TSGA10: variants seen among roughly 807,000 people sequenced by gnomAD.
TSGA10 encodes the protein testis specific 10, also known as testis-specific gene 10 protein.
A neutral mutation model predicts 96.6 loss-of-function variants in TSGA10; 43 were observed. The ratio of observed to expected loss-of-function variants is 0.44; its 90% confidence interval spans 0.35 to 0.57. The LOEUF (loss-of-function observed/expected upper bound fraction) is 0.57, where lower values mean the gene tolerates loss of function less well. Ranked by LOEUF, TSGA10 falls within the 20% of genes least tolerant of loss-of-function variation. TSGA10 has a pLI of 0.01. For synonymous variants in TSGA10, 229 were observed against 269.9 expected, an observed-to-expected ratio of 0.85 and a Z score of 1.48; for missense variants, 703 against 834.4, an observed-to-expected ratio of 0.84 and a Z score of 1.94.
intron 1 of TSGA10, among the ~76,000 whole-genome samples, chr2:99,128,526 T>C (rs890135024): frequency 2.6e-5 from 4 of 152,198 alleles, no homozygotes; most frequent in African/African-American, 9.6e-5. Flanking sequence ...GAATGCAGAT[T>C]CTTATTTACA....
chr2:99,076,889 C>T (rs1297416595), intron 12 of TSGA10, among the ~76,000 whole-genome samples: 1 of 152,010 alleles, frequency 6.6e-6, no homozygotes, highest in African/African-American at 2.4e-5. Context: ...TTCAAATATT[C>T]TCCTGACTAC....
chr2:99,038,264 C>G (rs76754811), intron 16 of TSGA10, among the ~76,000 whole-genome samples: 2,063 of 152,148 alleles, frequency 0.014, 34 homozygotes, highest in African/African-American at 0.047. Context: ...ACAAAGTATT[C>G]AGGCAACAAG....
intron 10 of TSGA10, among the ~76,000 whole-genome samples, chr2:99,084,359 A>G (rs1352376001): frequency 1.3e-5 from 2 of 152,162 alleles, no homozygotes; most frequent in African/African-American, 4.8e-5. Flanking sequence ...GAATGGTTTA[A>G]CACTATCCCC....
intron 1 of TSGA10, chr2:99,150,424 G>A: frequency 1.1e-6 from 1 of 938,918 alleles, no homozygotes; most frequent in Non-Finnish European, 1.6e-6. Context: ...AACAAACATT[G>A]CCATGAAGTT....
intron 1 of TSGA10, among the ~76,000 whole-genome samples, chr2:99,129,638 C>T (rs1027442179): frequency 6.6e-6 from 1 of 152,194 alleles, no homozygotes; most frequent in Non-Finnish European, 1.5e-5. Context: ...AGCTTCCCTA[C>T]CTCAGGCCAC....
At chr2:99,105,762 T>C (rs1488232789) in intron 7 of TSGA10, 65 bp from the exon 8 acceptor site, 2 of 1,413,830 alleles carry the variant, frequency 1.4e-6, no homozygotes, top group Non-Finnish European at 1.9e-6. Context: ...AAAAATTTTA[T>C]GTATCTAGCC....
In TSGA10 at chr2:99,109,391, G is replaced by A. The variant is rs553625521; in HGVS notation, c.49C>T (p.Arg17Trp). The change falls in exon 6 of 21, where the codon CGG (arginine) becomes TGG (tryptophan). Residue 17 changes from arginine to tryptophan, a missense_variant and splice_region_variant. By Grantham distance (101) the Arg-to-Trp change is moderately radical (BLOSUM62 -3). Coordinates refer to ENST00000393483, the MANE Select transcript of TSGA10 (RefSeq NM_025244.4). ...KSPRRPSPTA[R>W]GANCDVELLK... ...ATTTGTAAGTTTATAAAACCTACCCGGGCAGTTGGTGATGGGCGTCTTGGA... is the reference window on the plus strand; with the variant it reads ...ATTTGTAAGTTTATAAAACCTACCCAGGCAGTTGGTGATGGGCGTCTTGGA... The A allele has an allele frequency of 2.9e-5, 46 of 1,613,816 alleles. No individual in the cohort carries two copies. The African/African-American group carries it at 3.2e-4, about 11-fold the overall frequency.
intron 10 of TSGA10, among the ~76,000 whole-genome samples, chr2:99,088,161 T>A (rs138450224): frequency 6.6e-6 from 1 of 152,218 alleles, no homozygotes; most frequent in African/African-American, 2.4e-5. Flanking sequence ...TCTAGACTCC[T>A]ATGAATCTAA....
chr2:99,072,078 A>G (rs1315827255), intron 13 of TSGA10, among the ~76,000 whole-genome samples: 2 of 152,230 alleles, frequency 1.3e-5, no homozygotes, highest in Non-Finnish European at 2.9e-5. Flanking sequence ...AAAGGATACA[A>G]AGTATACATA....
chr2:99,023,761 C>T (rs558810767), intron 17 of TSGA10, among the ~76,000 whole-genome samples: 4 of 152,318 alleles, frequency 2.6e-5, no homozygotes, highest in African/African-American at 9.6e-5. Flanking sequence ...CTATGTCTTT[C>T]CTTATGCTAG....
At chr2:99,123,052 T>A (rs1244373916) in intron 2 of TSGA10, among the ~76,000 whole-genome samples, 1 of 152,190 alleles carries the variant, frequency 6.6e-6, no homozygotes, top group Non-Finnish European at 1.5e-5. Context: ...ACAGGTTTGC[T>A]TTTTTCTAGC....
chr2:99,145,084 G>A (rs906427458), intron 1 of TSGA10, among the ~76,000 whole-genome samples: 3 of 152,176 alleles, frequency 2.0e-5, no homozygotes, highest in Non-Finnish European at 2.9e-5. Context: ...TGTCAGGCAG[G>A]TCTACATTCC....
chr2:99,080,015 T>A (rs1343388068), intron 11 of TSGA10, among the ~76,000 whole-genome samples: 3 of 152,136 alleles, frequency 2.0e-5, no homozygotes, highest in African/African-American at 7.2e-5. Context: ...AATCAATACA[T>A]CTCTAAAATA....
intron 2 of TSGA10, among the ~76,000 whole-genome samples, chr2:99,121,048 C>T (rs943044566): frequency 3.3e-5 from 5 of 152,004 alleles, no homozygotes; most frequent in Admixed American, 6.6e-5. Flanking sequence ...TATGGAATAC[C>T]ACAGTTTAAC....
At chr2:99,057,699 C>T (rs1232134395) in intron 16 of TSGA10, among the ~76,000 whole-genome samples, 1 of 152,176 alleles carries the variant, frequency 6.6e-6, no homozygotes, top group Non-Finnish European at 1.5e-5. Context: ...TCAGCATAGT[C>T]TCTATCAGAA....
At chr2:99,075,220 T>C (rs570060441) in intron 12 of TSGA10, among the ~76,000 whole-genome samples, 8 of 152,320 alleles carry the variant, frequency 5.3e-5, no homozygotes, top group African/African-American at 1.7e-4. Flanking sequence ...GTATTCCTTG[T>C]ACAACTTCAA....
intron 12 of TSGA10, among the ~76,000 whole-genome samples, chr2:99,074,083 G>A (rs2086363382): frequency 7.0e-6 from 1 of 142,176 alleles, no homozygotes; most frequent in African/African-American, 2.7e-5. Flanking sequence ...CGCGATCTCG[G>A]CTCACTGCAA....
chr2:99,008,265 CA>C (rs1055969396), intron 20 of TSGA10, among the ~76,000 whole-genome samples: 1 of 151,772 alleles, frequency 6.6e-6, no homozygotes, highest in Non-Finnish European at 1.5e-5. Context: ...AGACAAATGA[CA>C]AAAAAGTGAG....
Position 99,035,301 on chromosome 2 carries a change from A to G in TSGA10, c.1543T>C (p.Cys515Arg), listed in dbSNP as rs2081520385. ...TCTTTGCTTGAGTCAAGTTTAATAC[A>G]GAGTTCCCTAGTAGAAGACAAATCT... ...LADLSSTREL[C>R]IKLDSSKELL... The change falls in exon 17 of 21, where the codon TGT becomes CGT. Residue 515 changes from cysteine to arginine, a missense_variant. By Grantham distance (180) the Cys-to-Arg change is radical. This residue lies in a region of TSGA10 where 585 missense variants were observed against 656.8 expected (regional missense o/e 0.89). Coordinates refer to ENST00000393483, the MANE Select transcript of TSGA10 (RefSeq NM_025244.4). 1 of 1,612,910 alleles carries G rather than the reference A, an allele frequency of 6.2e-7. No homozygotes were observed. Among genetic ancestry groups the G allele is most frequent in the African/African-American group, 1.3e-5 (1 of 74,912 alleles).
Sources: gnomAD v4.1 joint callset for allele counts (sites outside exome capture counted in the v4.1 genomes callset) on GRCh38, gnomAD v4.1.1 for gene constraint, gnomAD v4.1.1 regional missense constraint, MANE v1.5 for transcripts, NCBI Gene and HGNC (gene_info 2026-07-23, HGNC 2026-07-21) for gene names.